Variants in FSTL4 observed in about 807,000 individuals in gnomAD.
FSTL4 encodes the protein follistatin like 4.
FSTL4 carries 28 observed loss-of-function variants against 78.2 expected under a neutral mutation model. The observed-to-expected ratio is 0.36, with a 90% CI of 0.27 to 0.49. FSTL4 has a LOEUF of 0.49. Among genes scored for constraint, FSTL4 ranks in the 20% least tolerant of loss-of-function variants. The pLI is 0.98. For missense variants in FSTL4, 922 were observed against 1,084.9 expected, an observed-to-expected ratio of 0.85 and a Z score of 2.11; for synonymous variants, 422 against 440.5, an observed-to-expected ratio of 0.96 and a Z score of 0.53.
chr5:133,496,281 C>T (rs1758365868), intron 3 of FSTL4, among the ~76,000 whole-genome samples: 1 of 152,196 alleles, frequency 6.6e-6, no homozygotes, highest in Admixed American at 6.5e-5. Context: ...AGAAAGCAAT[C>T]TTGTAGATAA....
intron 2 of FSTL4, among the ~76,000 whole-genome samples, chr5:133,591,393 G>T (rs1206288857): frequency 1.3e-5 from 2 of 152,156 alleles, no homozygotes; most frequent in Non-Finnish European, 2.9e-5. Context: ...TCCATAAAAT[G>T]CCCCATGTTT....
chr5:133,494,157 G>C (rs902616060), intron 3 of FSTL4, among the ~76,000 whole-genome samples: 3 of 152,198 alleles, frequency 2.0e-5, no homozygotes, highest in African/African-American at 7.2e-5. Context: ...CTGAGGAACA[G>C]AGAAGTTAAA....
intron 6 of FSTL4, among the ~76,000 whole-genome samples, chr5:133,294,975 A>G (rs527436050): frequency 1.1e-3 from 167 of 152,260 alleles, no homozygotes; most frequent in Non-Finnish European, 4.7e-4. Context: ...GTAGCTGAAC[A>G]TGCTGGGGAA....
chr5:133,780,756 T>C, the FSTL4 span, among the ~76,000 whole-genome samples: 2 of 18,942 alleles, frequency 1.1e-4, no homozygotes, highest in Non-Finnish European at 1.7e-4. Flanking sequence ...ATTATTATCC[T>C]CATTTTCCTG....
chr5:133,302,337 C>T (rs1480409347), intron 6 of FSTL4, among the ~76,000 whole-genome samples: 1 of 152,158 alleles, frequency 6.6e-6, no homozygotes, highest in African/African-American at 2.4e-5. Flanking sequence ...TCCTGCTTAT[C>T]AAGAACACAA....
chr5:133,283,239 CGT>C (rs112657706), intron 6 of FSTL4, among the ~76,000 whole-genome samples: 183 of 148,386 alleles, frequency 1.2e-3, no homozygotes, highest in Non-Finnish European at 1.8e-3. Context: ...TTAAGCCTAG[CGT>C]GTGTGTGTGT....
rs904530045 is a variant in FSTL4 at position 133,199,105 on chromosome 5, C to T, written c.2519G>A (p.Gly840Asp). 5 of 1,539,916 alleles carry T rather than the reference C, an allele frequency of 3.2e-6. No homozygotes were observed. The highest frequency in any genetic ancestry group is 1.9e-5 in the Admixed American group (1 of 52,292). The change falls in exon 16 of 16, where the codon GGT (glycine) becomes GAT (aspartate). Residue 840 changes from glycine (G) to aspartate (D), a missense_variant. Physicochemically the swap from Gly to Asp is moderately conservative, Grantham distance 94 (BLOSUM62 -1). Coordinates refer to ENST00000265342, the MANE Select transcript of FSTL4 (RefSeq NM_015082.2). The surrounding 1 kb of genome is among the most constrained non-coding windows in gnomAD (Gnocchi z 4.4). ...IKGGTTVVWV[G>D]EV Reference sequence around the variant, plus strand: ...TCTGCTCTGGGCCCTTCATACCTCACCCACCCACACCACTGTGGTCCCCCC... The same window carrying T: ...TCTGCTCTGGGCCCTTCATACCTCATCCACCCACACCACTGTGGTCCCCCC...
chr5:133,475,380 G>A (rs1010311448), intron 3 of FSTL4, among the ~76,000 whole-genome samples: 2 of 152,196 alleles, frequency 1.3e-5, no homozygotes, highest in African/African-American at 4.8e-5. Flanking sequence ...CGTGGGAACG[G>A]GGAGGCCAGG....
chr5:133,392,475 C>T (rs1439069682), intron 4 of FSTL4, among the ~76,000 whole-genome samples: 2 of 152,112 alleles, frequency 1.3e-5, no homozygotes, highest in South Asian at 2.1e-4. Flanking sequence ...AAGACCAGGC[C>T]TGGAAAGTGC....
At chr5:133,254,949 C>T (rs1342203981) in intron 6 of FSTL4, among the ~76,000 whole-genome samples, 1 of 152,238 alleles carries the variant, frequency 6.6e-6, no homozygotes, top group African/African-American at 2.4e-5. Context: ...GGTCTCTGCT[C>T]TGGTGGGGAG....
the FSTL4 span, among the ~76,000 whole-genome samples, chr5:133,691,478 C>T: frequency 1.4e-4 from 21 of 152,268 alleles, no homozygotes; most frequent in East Asian, 3.3e-3. Flanking sequence ...AAATTCTGAG[C>T]TGCCCAGAGC....
At chr5:133,668,513 G>C in the FSTL4 span, among the ~76,000 whole-genome samples, 1 of 152,172 alleles carries the variant, frequency 6.6e-6, no homozygotes, top group South Asian at 2.1e-4. Context: ...CTGCCAGAGC[G>C]AATGGTCTGT....
intron 7 of FSTL4, among the ~76,000 whole-genome samples, chr5:133,235,722 T>C (rs1380953850): frequency 1.3e-5 from 2 of 152,148 alleles, no homozygotes; most frequent in Non-Finnish European, 2.9e-5. Flanking sequence ...GAAACACTGC[T>C]CTGCTTCAAA....
chr5:133,212,140 C>T (rs1750750361), intron 13 of FSTL4, among the ~76,000 whole-genome samples: 1 of 152,218 alleles, frequency 6.6e-6, no homozygotes, highest in Admixed American at 6.5e-5. Context: ...CTGTCTTCCT[C>T]TACTGAGAGC....
At chr5:133,329,928 G>A (rs865995020) in intron 4 of FSTL4, among the ~76,000 whole-genome samples, 8 of 152,140 alleles carry the variant, frequency 5.3e-5, no homozygotes, top group East Asian at 1.9e-4. Flanking sequence ...CCTTTGCCCC[G>A]GGTTTGGCAA....
At chr5:133,609,796 C>T (rs1327027123) in intron 1 of FSTL4, among the ~76,000 whole-genome samples, 1 of 152,264 alleles carries the variant, frequency 6.6e-6, no homozygotes, top group Non-Finnish European at 1.5e-5. Context: ...TTTATCCTTA[C>T]AACCTTCAGC....
chr5:133,228,984 GGATT>G (rs1341178489), intron 8 of FSTL4, among the ~76,000 whole-genome samples: 4 of 152,120 alleles, frequency 2.6e-5, no homozygotes, highest in African/African-American at 9.7e-5. Flanking sequence ...AAAGTTATAA[GGATT>G]AATTGGTACG....
In FSTL4 at chr5:133,354,745, A is replaced by G. The variant is rs553520045; in HGVS notation, c.410-38093T>C. ...TAGCTGATGGCCTTGAGACAATCTTATAATTCAAAGGCCACAGCTGTGCCC... is the reference window on the plus strand; with the variant it reads ...TAGCTGATGGCCTTGAGACAATCTTGTAATTCAAAGGCCACAGCTGTGCCC... On this transcript the variant is annotated intron_variant, in intron 4 of 15. Coordinates refer to ENST00000265342, the MANE Select transcript of FSTL4 (RefSeq NM_015082.2). 3.9e-5 allele frequency among the ~76,000 whole-genome samples: 6 copies of G among 152,358 alleles called. No homozygotes were observed. The East Asian group carries it at 7.7e-4, about 20-fold the overall frequency.
At chr5:133,253,486 A>G (rs966377119) in intron 6 of FSTL4, among the ~76,000 whole-genome samples, 6 of 152,166 alleles carry the variant, frequency 3.9e-5, no homozygotes, top group African/African-American at 1.4e-4. Context: ...AGACCCCCTG[A>G]GTCTTGCAAG....
Sources: gnomAD v4.1 joint callset for allele counts (sites outside exome capture counted in the v4.1 genomes callset) on GRCh38, gnomAD v4.1.1 for gene constraint, Gnocchi (gnomAD v3.1) non-coding constraint, MANE v1.5 for transcripts, NCBI Gene and HGNC (gene_info 2026-07-23, HGNC 2026-07-21) for gene names.